Variants in NUTM1 observed in about 807,000 individuals in gnomAD.
NUTM1 encodes the protein NUT family member 1.
NUTM1 carries 39 observed loss-of-function variants against 88.7 expected under a neutral mutation model. That is an observed-to-expected ratio of 0.44 (90% CI 0.34 to 0.57). NUTM1 has a LOEUF of 0.57. Ranked by LOEUF, NUTM1 falls within the 20% of genes least tolerant of loss-of-function variation. The probability of loss-of-function intolerance (pLI) is 0.01; values close to 1 mark genes in which losing one functional copy is unlikely to be tolerated. For synonymous variants in NUTM1, 494 were observed against 538.0 expected (o/e 0.92, Z 1.13); for missense variants, 1,350 against 1,414.5 (o/e 0.95, Z 0.73).
At chr15:34,350,052 C>T (rs1890678328) in intron 3 of NUTM1, among the ~76,000 whole-genome samples, 1 of 152,170 alleles carries the variant, frequency 6.6e-6, no homozygotes, top group African/African-American at 2.4e-5. Context: ...TAACGAGCTT[C>T]CCCAAGCGAT....
rs201923900 is a variant in NUTM1 at position 34,348,460 on chromosome 15, G to A, written c.592G>A (p.Val198Ile). The stretch of plus-strand genomic sequence containing the variant: ...GCCTCCACCACCAGTTGCTCAACTG[G>A]TCCCCATTGTGCCCCTGGAAAAAGC... ...PQPPPPVAQL[V>I]PIVPLEKAWP... Residue 198 changes from valine to isoleucine, a missense_variant, in exon 3 of 8, where the codon GTC becomes ATC. Val to Ile is a conservative substitution (Grantham distance 29). This residue lies in a region of NUTM1 where 399 missense variants were observed against 397.9 expected (regional missense o/e 1.00). Transcript: ENST00000537011. 3.8e-5 allele frequency: 62 copies of A among 1,614,134 alleles called. No homozygotes were observed. In the African/African-American group the frequency reaches 7.7e-4, roughly 20 times the overall value.
At chr15:34,350,683 C>T in intron 3 of NUTM1, 21 bp from the exon 4 acceptor site, 2 of 1,607,372 alleles carry the variant, frequency 1.2e-6, no homozygotes, top group Non-Finnish European at 8.5e-7. Context: ...TAGAATGTGA[C>T]TGACTCAATG....
intron 2 of NUTM1, 70 bp from the exon 3 acceptor site, chr15:34,347,899 G>A (rs1890627717): frequency 1.4e-6 from 1 of 728,364 alleles, no homozygotes; most frequent in South Asian, 2.8e-5. Context: ...TAAAAAAATG[G>A]GGAATTCAGA....
chr15:34,343,713 A>G lies in NUTM1; in HGVS notation c.6+11A>G. 6.5e-7 allele frequency: 1 copy of G among 1,533,388 alleles called. No individual in the cohort carries two copies. The highest frequency in any genetic ancestry group is 8.7e-7 in the Non-Finnish European group (1 of 1,144,836). 95.0% of individuals were successfully genotyped at this position (1,533,388 alleles called of 1,614,324 possible). A position where few individuals can be genotyped will look rare whatever the true frequency, so the allele number is the denominator to read the frequency against. On this transcript the variant is annotated intron_variant, in intron 1 of 7. Transcript: ENST00000537011. ...CTCTTTCTTATGGTGGTGAGTAGCTAATAATAACGTAATAAAGTGCACCTT... is the reference window on the plus strand; with the variant it reads ...CTCTTTCTTATGGTGGTGAGTAGCTGATAATAACGTAATAAAGTGCACCTT...
chr15:34,347,993 T>C lies in NUTM1; in HGVS notation c.125T>C (p.Met42Thr). ...DGASALPGPD[M>T]SMKPSAAPSP... ...GCATCTGCATTGCCGGGACCGGATA[T>C]GAGCATGAAACCTAGTGCCGCCCCG... Residue 42 changes from methionine (M) to threonine (T), a missense_variant, in exon 3 of 8, where the codon ATG becomes ACG. Met to Thr is a moderately conservative substitution (Grantham distance 81). Coordinates refer to ENST00000537011, the MANE Select transcript of NUTM1 (RefSeq NM_001284292.2). 1.2e-6 allele frequency: 2 copies of C among 1,612,316 alleles called. No homozygotes were observed. The highest frequency in any genetic ancestry group is 2.2e-5 in the South Asian group (2 of 90,928).
chr15:34,343,762 A>G, intron 1 of NUTM1, 60 bp downstream of exon 1: 1 of 1,426,726 alleles, frequency 7.0e-7, no homozygotes, highest in South Asian at 1.3e-5. Flanking sequence ...CAATTTTTAA[A>G]AGAATATAGA....
chr15:34,356,865 G>A lies in NUTM1; in HGVS notation c.2857G>A (p.Val953Ile), dbSNP rs1890824147. 6.2e-7 allele frequency: 1 copy of A among 1,612,868 alleles called. No homozygotes were observed. Among genetic ancestry groups the A allele is most frequent in the South Asian group, 1.1e-5 (1 of 90,972 alleles). Reference sequence around the variant, plus strand: ...CAGCGAGGACACCTGCCCACTGAATGTTCATTCTTATGACCCCCAAGGAGA... The same window carrying A: ...CAGCGAGGACACCTGCCCACTGAATATTCATTCTTATGACCCCCAAGGAGA... ...RVSEDTCPLN[V>I]HSYDPQGEGR... The change falls in exon 8 of 8, where the codon GTT becomes ATT. Residue 953 changes from valine (V) to isoleucine (I), a missense_variant. Transcript: ENST00000537011.
At position 34,356,468 on chromosome 15, in the gene NUTM1, T is replaced by TG; in HGVS notation, c.2461dup (p.Ala821GlyfsTer35). The TG allele has an allele frequency of 6.2e-7, 1 of 1,613,100 alleles. No homozygotes were observed. Among genetic ancestry groups the TG allele is most frequent in the Non-Finnish European group, 8.5e-7 (1 of 1,179,424 alleles). On this transcript the variant is annotated frameshift_variant, in exon 8 of 8. Transcript: ENST00000537011. LOFTEE classifies it high-confidence loss of function. ...GTGTGATTCCCTGTGGAGGCACAGTTGCGGCAGCTGCCCTAGAAAAGAGAA... is the reference window on the plus strand; with the variant it reads ...GTGTGATTCCCTGTGGAGGCACAGTTGGCGGCAGCTGCCCTAGAAAAGAGAA...
In NUTM1 at chr15:34,355,763, G is replaced by A; in HGVS notation, c.1755G>A (p.Leu585=). The A allele has an allele frequency of 6.2e-7, 1 of 1,614,216 alleles. No individual in the cohort carries two copies. The highest frequency in any genetic ancestry group is 8.5e-7 in the Non-Finnish European group (1 of 1,180,022). The change falls in exon 8 of 8, where the codon CTG becomes CTA. Residue 585 remains leucine (L), a synonymous_variant. Coordinates refer to ENST00000537011, the MANE Select transcript of NUTM1 (RefSeq NM_001284292.2). This position sits in a 1 kb window ranked among gnomAD's most constrained non-coding sequence, Gnocchi z 4.3. ...PRGMHRDGNT[L]PSPSSWDLQP... ...GGATGCACAGGGATGGGAACACTCTGCCATCCCCCAGCAGCTGGGACCTGC... is the reference window on the plus strand; with the variant it reads ...GGATGCACAGGGATGGGAACACTCTACCATCCCCCAGCAGCTGGGACCTGC...
chr15:34,346,507 C>T (rs571967746), intron 2 of NUTM1, among the ~76,000 whole-genome samples: 2 of 88,072 alleles, frequency 2.3e-5, no homozygotes, highest in Non-Finnish European at 4.8e-5. Context: ...GTGGGAAGGA[C>T]CTTAGTGGGA....
intron 1 of NUTM1, 143 bp from the exon 2 acceptor site, chr15:34,345,799 C>A: frequency 8.4e-7 from 1 of 1,183,608 alleles, no homozygotes; most frequent in Non-Finnish European, 1.2e-6. Context: ...TAGAACCCTT[C>A]ATGGAATATC....
intron 2 of NUTM1, among the ~76,000 whole-genome samples, chr15:34,347,649 C>G (rs925866045): frequency 6.6e-5 from 10 of 152,050 alleles, no homozygotes; most frequent in Non-Finnish European, 1.2e-4. Flanking sequence ...GTCAGGAGAT[C>G]GAGACCAACC....
In NUTM1 at chr15:34,356,785, T is replaced by C. The variant is rs1444211910; in HGVS notation, c.2777T>C (p.Ile926Thr). Residue 926 changes from isoleucine to threonine, a missense_variant, in exon 8 of 8, where the codon ATA becomes ACA. This residue lies in a region of NUTM1 where 730 missense variants were observed against 728.8 expected (regional missense o/e 1.00). Coordinates refer to ENST00000537011, the MANE Select transcript of NUTM1 (RefSeq NM_001284292.2). ...GNSFSPLLET[I>T]EPVNILDVKD... Reference sequence around the variant, plus strand: ...TCCTTTTCTCCTCTGTTGGAAACCATAGAACCTGTCAACATACTAGATGTT... The same window carrying C: ...TCCTTTTCTCCTCTGTTGGAAACCACAGAACCTGTCAACATACTAGATGTT... The C allele has an allele frequency of 6.2e-7, 1 of 1,611,694 alleles. No individual in the cohort carries two copies.
chr15:34,354,796 T>G, intron 6 of NUTM1, 64 bp downstream of exon 6: 1 of 1,522,970 alleles, frequency 6.6e-7, no homozygotes, highest in Non-Finnish European at 9.1e-7. Flanking sequence ...CGGGAACTAA[T>G]GATCTGGGGT....
rs199518757 is a variant in NUTM1 at position 34,356,952 on chromosome 15, G to C, written c.2944G>C (p.Glu982Gln). The change falls in exon 8 of 8, where the codon GAG (glutamate) becomes CAG (glutamine). Residue 982 changes from glutamate to glutamine, a missense_variant. Physicochemically the swap from Glu to Gln is conservative, Grantham distance 29 (BLOSUM62 2). This residue lies in a region of NUTM1 where 730 missense variants were observed against 728.8 expected (regional missense o/e 1.00). Transcript: ENST00000537011. ...KNLAPLQESQ[E>Q]SYTTGTPKAT... ...CCTTGCTCCTTTACAAGAGAGTCAG[G>C]AGTCTTACACAACTGGGACTCCCAA... is the stretch of plus-strand genomic sequence containing the variant. The C allele has an allele frequency of 1.9e-6, 3 of 1,613,732 alleles. No homozygotes were observed. The highest frequency in any genetic ancestry group is 2.7e-5 in the African/African-American group (2 of 74,780).
intron 1 of NUTM1, among the ~76,000 whole-genome samples, chr15:34,344,461 C>CCA (rs1890546905): frequency 6.7e-6 from 1 of 148,922 alleles, no homozygotes; most frequent in African/African-American, 2.5e-5. Flanking sequence ...CAAGATCACG[C>CCA]CACTGCACTC....
chr15:34,343,659 A>G lies in NUTM1; in HGVS notation c.-38A>G, dbSNP rs1308566164. The G allele has an allele frequency of 1.4e-5, 22 of 1,534,480 alleles. No homozygotes were observed. The East Asian group carries it at 4.4e-4, about 31-fold the overall frequency. On this transcript the variant is annotated 5_prime_UTR_variant, in exon 1 of 8. It removes the in-frame stop codon of an upstream open reading frame in the 5' UTR. Transcript: ENST00000537011. ...TGTTTCAGCGGTCGAACCAAGATTT[A>G]AAGTTAGGTCCCTACCGCAAATTCA...
rs141659118 is a variant in NUTM1, at chr15:34,355,955, C to A, written c.1947C>A (p.Pro649=). ...CTGATAGGACTTCAGAGGCTCTGCC[C>A]CTTTGTTGGCAGGGAGGCTTCCAGC... ...LVADRTSEAL[P]LCWQGGFQPE... Residue 649 remains proline, a synonymous_variant, in exon 8 of 8, where the codon CCC becomes CCA. Coordinates refer to ENST00000537011, the MANE Select transcript of NUTM1 (RefSeq NM_001284292.2). This position sits in a 1 kb window ranked among gnomAD's most constrained non-coding sequence, Gnocchi z 4.3. 240 of 1,614,120 alleles carry A rather than the reference C, an allele frequency of 1.5e-4. 2 individuals are homozygous for A. The African/African-American group carries it at 2.8e-3, about 19-fold the overall frequency.
In NUTM1 at chr15:34,355,199, A is replaced by G. The variant is rs1890779721; in HGVS notation, c.1479+62A>G. 1.8e-6 allele frequency: 2 copies of G among 1,126,644 alleles called. No individual in the cohort carries two copies. Among genetic ancestry groups the G allele is most frequent in the South Asian group, 2.5e-5 (2 of 79,950 alleles). The allele number at this position is 1,126,644 out of a possible 1,614,324, so 69.8% of individuals were successfully genotyped here. ...CTTGCAAGATTTTATCTAACCCTAC[A>G]CTGTCGTGGGTGATATGGCTCTAGA... is the stretch of plus-strand genomic sequence containing the variant. On this transcript the variant is annotated intron_variant, in intron 7 of 7. Coordinates refer to ENST00000537011, the MANE Select transcript of NUTM1 (RefSeq NM_001284292.2). This position sits in a 1 kb window ranked among gnomAD's most constrained non-coding sequence, Gnocchi z 4.3.
Sources: allele counts gnomAD v4.1 joint callset (sites outside exome capture counted in the v4.1 genomes callset), GRCh38; gene constraint gnomAD v4.1.1; regional missense constraint gnomAD v4.1.1; non-coding constraint Gnocchi (gnomAD v3.1); transcripts MANE v1.5; gene names NCBI Gene and HGNC (gene_info 2026-07-23, HGNC 2026-07-21).